Variants in HS2ST1 observed in about 807,000 individuals in gnomAD.
The protein encoded by HS2ST1 is heparan sulfate 2-O-sulfotransferase 1, also known as 2-O-sulfotransferase.
A neutral mutation model predicts 42.9 loss-of-function variants in HS2ST1; 18 were observed. The observed-to-expected ratio is 0.42, with a 90% CI of 0.29 to 0.62. HS2ST1 has a LOEUF of 0.62. Among genes scored for constraint, HS2ST1 ranks in the 20% least tolerant of loss-of-function variants. HS2ST1 has a pLI of 0.21. For synonymous variants in HS2ST1, 146 were observed against 152.9 expected, an observed-to-expected ratio of 0.95 and a Z score of 0.33; for missense variants, 334 against 433.8, an observed-to-expected ratio of 0.77 and a Z score of 2.04.
At chr1:86,927,634 G>C (rs1256471770) in intron 1 of HS2ST1, among the ~76,000 whole-genome samples, 1 of 152,126 alleles carries the variant, frequency 6.6e-6, no homozygotes, top group African/African-American at 2.4e-5. Context: ...ACTATAAAGA[G>C]TGATCAGATG....
intron 1 of HS2ST1, among the ~76,000 whole-genome samples, chr1:86,951,328 A>C (rs1647506922): frequency 6.6e-6 from 1 of 152,208 alleles, no homozygotes; most frequent in Non-Finnish European, 1.5e-5. Context: ...GATATTTGTT[A>C]TAAAAACAGG....
At chr1:87,042,070 G>A (rs1280731670) in intron 1 of HS2ST1, among the ~76,000 whole-genome samples, 1 of 152,054 alleles carries the variant, frequency 6.6e-6, no homozygotes, top group Non-Finnish European at 1.5e-5. Flanking sequence ...TTTCCCTGAT[G>A]GTTAGTGATG....
intron 1 of HS2ST1, among the ~76,000 whole-genome samples, chr1:86,964,192 G>C (rs1447470439): frequency 1.3e-5 from 2 of 151,340 alleles, no homozygotes; most frequent in Non-Finnish European, 2.9e-5. Context: ...CTTCCCAGAC[G>C]ATGGGCGGCC....
chr1:86,915,192 T>A, intron 1 of HS2ST1, 32 bp downstream of exon 1: 2 of 1,595,804 alleles, frequency 1.3e-6, no homozygotes, highest in Non-Finnish European at 1.7e-6. Flanking sequence ...GGCTGAGTGC[T>A]GTGGAAGGGG....
intron 1 of HS2ST1, among the ~76,000 whole-genome samples, chr1:86,973,773 G>A (rs1489168997): frequency 1.3e-5 from 2 of 152,098 alleles, no homozygotes; most frequent in African/African-American, 4.8e-5. Flanking sequence ...GAAAACCAAG[G>A]TGGTTCTCCT....
chr1:86,958,734 A>G (rs977718238), intron 1 of HS2ST1, among the ~76,000 whole-genome samples: 1 of 152,232 alleles, frequency 6.6e-6, no homozygotes, highest in Non-Finnish European at 1.5e-5. Context: ...TTAACTCAGC[A>G]TTACTCTTAA....
intron 2 of HS2ST1, among the ~76,000 whole-genome samples, chr1:87,078,539 A>G (rs1651604683): frequency 6.6e-6 from 1 of 152,228 alleles, no homozygotes; most frequent in South Asian, 2.1e-4. Flanking sequence ...CAGTCAGAGT[A>G]TGAAAATTTT....
chr1:87,074,983 A>G (rs1197725593), intron 2 of HS2ST1, among the ~76,000 whole-genome samples: 1 of 151,944 alleles, frequency 6.6e-6, no homozygotes, highest in Non-Finnish European at 1.5e-5. Flanking sequence ...CTTTTGTGTG[A>G]CATGTTTTCA....
intron 1 of HS2ST1, among the ~76,000 whole-genome samples, chr1:86,994,917 C>T (rs1388061656): frequency 1.3e-5 from 2 of 151,994 alleles, no homozygotes; most frequent in African/African-American, 4.8e-5. Flanking sequence ...TTTCAAATTT[C>T]AAATCATCCT....
chr1:87,050,337 T>C (rs1389937960), intron 1 of HS2ST1, among the ~76,000 whole-genome samples: 2 of 152,058 alleles, frequency 1.3e-5, no homozygotes, highest in Non-Finnish European at 2.9e-5. Flanking sequence ...AGTAATCTTA[T>C]TCCTAAAATT....
At chr1:86,925,021 A>C (rs1462955828) in intron 1 of HS2ST1, among the ~76,000 whole-genome samples, 1 of 152,158 alleles carries the variant, frequency 6.6e-6, no homozygotes, top group East Asian at 1.9e-4. Context: ...CTTTAATGGC[A>C]CCCAAGTCAT....
At chr1:87,081,018 TAA>T (rs1360784757) in intron 2 of HS2ST1, among the ~76,000 whole-genome samples, 2 of 152,188 alleles carry the variant, frequency 1.3e-5, no homozygotes, top group African/African-American at 4.8e-5. Flanking sequence ...ATAAAATTTT[TAA>T]ACATACGTCT....
intron 1 of HS2ST1, among the ~76,000 whole-genome samples, chr1:86,973,476 CT>C (rs1648298114): frequency 6.6e-6 from 1 of 152,042 alleles, no homozygotes. Context: ...TCTTGGAGTC[CT>C]GTGAAGTTGT....
intron 1 of HS2ST1, among the ~76,000 whole-genome samples, chr1:86,945,346 G>C (rs1176494549): frequency 6.6e-6 from 1 of 152,202 alleles, no homozygotes; most frequent in African/African-American, 2.4e-5. Context: ...TGGTCGTTTA[G>C]TAATGTCTGT....
At position 86,985,425 on chromosome 1, in the gene HS2ST1, T is replaced by C. The variant is rs1330914684; in HGVS notation, c.124+70265T>C. ...ATATATATACACATATATATACACATATATACACACATATATACACATATA... is the reference window on the plus strand; with the variant it reads ...ATATATATACACATATATATACACACATATACACACATATATACACATATA... On this transcript the variant is annotated intron_variant, in intron 1 of 6. Coordinates refer to ENST00000370550, the MANE Select transcript of HS2ST1 (RefSeq NM_012262.4). 8.2e-4 allele frequency among the ~76,000 whole-genome samples: 43 copies of C among 52,544 alleles called. 2 individuals are homozygous for C. The highest frequency in any genetic ancestry group is 1.8e-3 in the Admixed American group (6 of 3,318). 34.5% of individuals were successfully genotyped at this position (52,544 alleles called of 152,430 possible).
intron 1 of HS2ST1, among the ~76,000 whole-genome samples, chr1:86,981,390 T>G (rs925103963): frequency 6.6e-6 from 1 of 152,114 alleles, no homozygotes; most frequent in Non-Finnish European, 1.5e-5. Flanking sequence ...CTTAACTCAT[T>G]CTAACATTAA....
chr1:86,965,824 C>A (rs1192277195), intron 1 of HS2ST1, among the ~76,000 whole-genome samples: 1 of 151,786 alleles, frequency 6.6e-6, no homozygotes, highest in Non-Finnish European at 1.5e-5. Flanking sequence ...GTATTTCTAC[C>A]CTCTCAGGAA....
At chr1:86,918,445 A>G (rs2102150265) in intron 1 of HS2ST1, among the ~76,000 whole-genome samples, 1 of 152,120 alleles carries the variant, frequency 6.6e-6, no homozygotes, top group East Asian at 1.9e-4. Flanking sequence ...AGTAACGGAC[A>G]TTCAGTTTGT....
intron 1 of HS2ST1, among the ~76,000 whole-genome samples, chr1:86,941,519 C>T (rs954824927): frequency 6.6e-6 from 1 of 152,050 alleles, no homozygotes; most frequent in African/African-American, 2.4e-5. Context: ...CACCTGTAAT[C>T]CCAGCACTTT....
Sources: gnomAD v4.1 joint callset for allele counts (sites outside exome capture counted in the v4.1 genomes callset) on GRCh38, gnomAD v4.1.1 for gene constraint, MANE v1.5 for transcripts, NCBI Gene and HGNC (gene_info 2026-07-23, HGNC 2026-07-21) for gene names.